The following DNTT variants were observed in gnomAD, a reference collection of about 807,000 sequenced individuals.
DNTT encodes the protein nucleosidetriphosphate:DNA deoxynucleotidylexotransferase.
In DNTT, 47 loss-of-function variants were observed where a neutral mutation model predicts 60.9. That is an observed-to-expected ratio of 0.77 (90% CI 0.61 to 0.98). DNTT has a LOEUF of 0.98. Among genes scored for constraint, DNTT ranks in the 50% least tolerant of loss-of-function variants. DNTT has a pLI of 0.00. For missense variants in DNTT, 665 were observed against 627.5 expected (o/e 1.06, Z -0.64); for synonymous variants, 224 against 221.2 (o/e 1.01, Z -0.11).
chr10:96,332,956 C>T (rs1365549200), intron 9 of DNTT, among the ~76,000 whole-genome samples: 2 of 152,040 alleles, frequency 1.3e-5, no homozygotes, highest in African/African-American at 4.8e-5. Context: ...TGATGCAGCT[C>T]AAGTAGGAGA....
rs192116438 is a variant in DNTT at position 96,310,122 on chromosome 10, C to A, written c.203+5422C>A. Among the ~76,000 whole-genome samples the A allele has an allele frequency of 5.2e-4, 79 of 152,270 alleles. 1 individual carries two copies. The highest frequency in any genetic ancestry group is 5.4e-4 in the Non-Finnish European group (37 of 68,010). On this transcript the variant is annotated intron_variant, in intron 1 of 10. Transcript: ENST00000371174. Reference sequence around the variant, plus strand: ...ACCCAGATGGCCTAGTCACAGGGACCAACCCCCCTACTACCCCTCAGGGGC... The same window carrying A: ...ACCCAGATGGCCTAGTCACAGGGACAAACCCCCCTACTACCCCTCAGGGGC...
rs774625072 is a variant in DNTT at position 96,319,317 on chromosome 10, T to C, written c.434T>C (p.Ile145Thr). 4 of 1,613,868 alleles carry C rather than the reference T, an allele frequency of 2.5e-6. No individual in the cohort carries two copies. The highest frequency in any genetic ancestry group is 2.2e-5 in the South Asian group (2 of 91,048). ...CCAGGCCCCCCGAAGACTCCACCAA[T>C]TGCTGTACAAAAGATCTCCCAGTAT... ...TNPGPPKTPP[I>T]AVQKISQYAC... Residue 145 changes from isoleucine (I) to threonine (T), a missense_variant, in exon 3 of 11, where the codon ATT becomes ACT. Transcript: ENST00000371174.
At chr10:96,333,689 T>G (rs1016274833) in intron 9 of DNTT, among the ~76,000 whole-genome samples, 9 of 152,212 alleles carry the variant, frequency 5.9e-5, no homozygotes, top group African/African-American at 2.2e-4. Flanking sequence ...CTAGAGGACA[T>G]TATGTTAAGT....
At chr10:96,337,096 C>T (rs989589231) in intron 10 of DNTT, among the ~76,000 whole-genome samples, 6 of 152,108 alleles carry the variant, frequency 3.9e-5, no homozygotes, top group South Asian at 2.1e-4. Flanking sequence ...ACTGCAATGT[C>T]GAAGCGTTCA....
At position 96,325,430 on chromosome 10, in the gene DNTT, T is replaced by C. The variant is rs148687349; in HGVS notation, c.874+1041T>C. On this transcript the variant is annotated intron_variant, in intron 6 of 10. Coordinates refer to ENST00000371174, the MANE Select transcript of DNTT (RefSeq NM_004088.4). ...ATAAGTATTAAACATAAGTAGCAAG[T>C]AAATGGTTTGGAATGATGAGTAAAG... is the stretch of plus-strand genomic sequence containing the variant. 9.2e-3 allele frequency among the ~76,000 whole-genome samples: 1,400 copies of C among 152,314 alleles called. 28 individuals carry two copies. Among genetic ancestry groups the C allele is most frequent in the African/African-American group, 0.031 (1,291 of 41,560 alleles).
intron 4 of DNTT, 76 bp from the exon 5 acceptor site, chr10:96,322,581 G>C: frequency 4.1e-6 from 5 of 1,209,596 alleles, no homozygotes; most frequent in Non-Finnish European, 5.8e-6. Flanking sequence ...CAAACTACTA[G>C]GTCCATGAAT....
intron 1 of DNTT, among the ~76,000 whole-genome samples, chr10:96,308,133 T>C (rs1208296834): frequency 6.6e-6 from 1 of 152,204 alleles, no homozygotes; most frequent in Non-Finnish European, 1.5e-5. Context: ...TAACACATTC[T>C]TTGGCTGTCA....
intron 1 of DNTT, among the ~76,000 whole-genome samples, 190 bp downstream of exon 1, chr10:96,304,890 T>C (rs1203400940): frequency 6.6e-6 from 1 of 152,200 alleles, no homozygotes; most frequent in African/African-American, 2.4e-5. Context: ...TACAATTATA[T>C]TGAAACTAGT....
At chr10:96,305,419 T>C (rs1433150005) in intron 1 of DNTT, among the ~76,000 whole-genome samples, 1 of 152,192 alleles carries the variant, frequency 6.6e-6, no homozygotes, top group Non-Finnish European at 1.5e-5. Context: ...ATTATTCTTG[T>C]TGTTTTTCTA....
intron 8 of DNTT, 118 bp from the exon 9 acceptor site, chr10:96,332,233 G>A: frequency 1.4e-6 from 2 of 1,453,536 alleles, no homozygotes; most frequent in East Asian, 2.3e-5. Context: ...TTTAATGCAA[G>A]GCCAAACACA....
chr10:96,317,128 A>G (rs967205499), intron 1 of DNTT, among the ~76,000 whole-genome samples: 1 of 152,238 alleles, frequency 6.6e-6, no homozygotes, highest in Non-Finnish European at 1.5e-5. Context: ...GATCTTAAAA[A>G]TCACTGGGTC....
chr10:96,335,856 G>C lies in DNTT; in HGVS notation c.1360-35G>C. ...ACCTAATACTGAAGACATTCTAGAC[G>C]TGTTAATAATTTATTTTAACTATCT... On this transcript the variant is annotated intron_variant, in intron 9 of 10. Transcript: ENST00000371174. The C allele has an allele frequency of 1.9e-6, 3 of 1,601,404 alleles. No individual in the cohort carries two copies. In the South Asian group the frequency reaches 3.3e-5, roughly 18 times the overall value.
chr10:96,324,211 G>A (rs1054759320), intron 5 of DNTT, 55 bp from the exon 6 acceptor site: 10 of 1,569,448 alleles, frequency 6.4e-6, no homozygotes, highest in East Asian at 2.3e-5. Flanking sequence ...GTCATGACTC[G>A]GATGTTATAA....
rs139810609 is a variant in DNTT at position 96,322,002 on chromosome 10, C to T, written c.679-655C>T. Among the ~76,000 whole-genome samples the T allele has an allele frequency of 9.6e-4, 146 of 152,274 alleles. 1 individual carries two copies. The highest frequency in any genetic ancestry group is 1.7e-3 in the Non-Finnish European group (113 of 68,012). On this transcript the variant is annotated intron_variant, in intron 4 of 10. Transcript: ENST00000371174. ...AGCAGGGAAATGGTCTGATTTCCCTCAGTTCCACCTGGGGGCGCCACCTTA... is the reference window on the plus strand; with the variant it reads ...AGCAGGGAAATGGTCTGATTTCCCTTAGTTCCACCTGGGGGCGCCACCTTA...
intron 10 of DNTT, among the ~76,000 whole-genome samples, chr10:96,336,867 G>A (rs1421599817): frequency 6.7e-6 from 1 of 149,114 alleles, no homozygotes; most frequent in Admixed American, 6.7e-5. Flanking sequence ...GAACCCGGGA[G>A]GCAGAGGCTG....
At chr10:96,324,201 G>C (rs902985922) in intron 5 of DNTT, 65 bp from the exon 6 acceptor site, 2 of 1,554,310 alleles carry the variant, frequency 1.3e-6, no homozygotes, top group African/African-American at 2.7e-5. Flanking sequence ...CCTAGAAAGG[G>C]TCATGACTCG....
chr10:96,314,137 A>G (rs896941407), intron 1 of DNTT, among the ~76,000 whole-genome samples: 2 of 152,190 alleles, frequency 1.3e-5, no homozygotes, highest in Admixed American at 6.5e-5. Flanking sequence ...CAATACGTTT[A>G]CTGCTGTTAT....
At chr10:96,307,063 G>A (rs1179347215) in intron 1 of DNTT, among the ~76,000 whole-genome samples, 1 of 152,178 alleles carries the variant, frequency 6.6e-6, no homozygotes. Context: ...TATCTGATGT[G>A]ATCACCAAAT....
intron 9 of DNTT, among the ~76,000 whole-genome samples, chr10:96,333,478 A>G (rs1303552178): frequency 6.6e-6 from 1 of 152,248 alleles, no homozygotes; most frequent in Non-Finnish European, 1.5e-5. Flanking sequence ...AGCCAAAGGA[A>G]ATGAACTCAG....
Sources: gnomAD v4.1 joint callset for allele counts (sites outside exome capture counted in the v4.1 genomes callset) on GRCh38, gnomAD v4.1.1 for gene constraint, MANE v1.5 for transcripts, NCBI Gene and HGNC (gene_info 2026-07-23, HGNC 2026-07-21) for gene names.